Variants in ITGA1 observed in about 807,000 individuals in gnomAD.
ITGA1 encodes integrin subunit alpha 1, also known as integrin alpha-1.
Under a neutral mutation model 145.9 loss-of-function variants are expected in ITGA1, and 85 were observed. The observed-to-expected ratio is 0.58, with a 90% CI of 0.49 to 0.70. ITGA1 has a LOEUF of 0.70. Ranked by LOEUF, ITGA1 falls within the 30% of genes least tolerant of loss-of-function variation. The probability of loss-of-function intolerance (pLI) is 0.00; values close to 1 mark genes in which losing one functional copy is unlikely to be tolerated. For synonymous variants in ITGA1, 520 were observed against 495.3 expected (o/e 1.05, Z -0.66); for missense variants, 1,351 against 1,418.7 (o/e 0.95, Z 0.77).
intron 1 of ITGA1, among the ~76,000 whole-genome samples, chr5:52,825,472 G>A (rs1748945667): frequency 6.6e-6 from 1 of 152,040 alleles, no homozygotes; most frequent in South Asian, 2.1e-4. Flanking sequence ...TCTGTTATGG[G>A]GCCTTGTGAT....
chr5:52,871,609 C>G (rs559282250), intron 6 of ITGA1, among the ~76,000 whole-genome samples: 1 of 139,624 alleles, frequency 7.2e-6, no homozygotes, highest in East Asian at 2.1e-4. Flanking sequence ...CTCCAAAAAA[C>G]AAAAATAAAA....
intron 1 of ITGA1, among the ~76,000 whole-genome samples, chr5:52,797,197 CA>C (rs1056634555): frequency 3.5e-4 from 53 of 151,612 alleles, no homozygotes; most frequent in African/African-American, 1.0e-3. Context: ...AAAAAGTTCC[CA>C]ACTATTGCAG....
At chr5:52,875,648 A>G (rs996722468) in intron 6 of ITGA1, among the ~76,000 whole-genome samples, 5 of 151,962 alleles carry the variant, frequency 3.3e-5, no homozygotes, top group African/African-American at 1.2e-4. Context: ...ATATTCATCT[A>G]CTCTTTTACT....
Position 52,954,612 on chromosome 5 carries a change from TTGAG to T in ITGA1, c.*2162_*2165del. The T allele has an allele frequency of 7.7e-6, 1 of 130,264 alleles. No individual in the cohort carries two copies. The highest frequency in any genetic ancestry group is 2.1e-4 in the East Asian group (1 of 4,768). The allele number at this position is 130,264 out of a possible 1,614,324, so 8.1% of individuals were successfully genotyped here. A position where few individuals can be genotyped will look rare whatever the true frequency, so the allele number is the denominator to read the frequency against. On this transcript the variant is annotated 3_prime_UTR_variant, in exon 29 of 29. Coordinates refer to ENST00000282588, the MANE Select transcript of ITGA1 (RefSeq NM_181501.2). ...CCTGTTTCTCTAATATTATAATTTGTTGAGGTTTGTGTGTGTGTGTGTGTGCATG... is the reference window on the plus strand; with the variant it reads ...CCTGTTTCTCTAATATTATAATTTGTGTTTGTGTGTGTGTGTGTGTGCATG...
intron 6 of ITGA1, among the ~76,000 whole-genome samples, chr5:52,873,080 G>T (rs1468220153): frequency 6.6e-6 from 1 of 152,076 alleles, no homozygotes; most frequent in Non-Finnish European, 1.5e-5. Flanking sequence ...AGCCATTTAT[G>T]TTGAAAAAAT....
In ITGA1 at chr5:52,911,579, T is replaced by TATAGTGTATCTACTATATATACTATAC. The variant is rs1561246378; in HGVS notation, c.1857+1163_1857+1164insGTGTATCTACTATATATACTATACATA. Among the ~76,000 whole-genome samples, 19 of 66,576 alleles carry TATAGTGTATCTACTATATATACTATAC rather than the reference T, an allele frequency of 2.9e-4. 5 individuals carry two copies. The highest frequency in any genetic ancestry group is 4.1e-4 in the Non-Finnish European group (13 of 31,844). The allele number at this position is 66,576 out of a possible 152,430, so 43.7% of individuals were successfully genotyped here. A position where few individuals can be genotyped will look rare whatever the true frequency, so the allele number is the denominator to read the frequency against. On this transcript the variant is annotated intron_variant, in intron 14 of 28. Coordinates refer to ENST00000282588, the MANE Select transcript of ITGA1 (RefSeq NM_181501.2). The stretch of plus-strand genomic sequence containing the variant: ...TAGTGTATCTACTATATATACTATA[T>TATAGTGTATCTACTATATATACTATAC]ATATAGTGTATCTACTATATATACT...
In ITGA1 at chr5:52,828,909, C is replaced by T. The variant is rs536375300; in HGVS notation, c.62-20456C>T. 2.0e-5 allele frequency among the ~76,000 whole-genome samples: 3 copies of T among 152,262 alleles called. No homozygotes were observed. The East Asian group carries it at 5.8e-4, about 29-fold the overall frequency. The stretch of plus-strand genomic sequence containing the variant: ...CTTGACACTTGATACTAATCTCTAA[C>T]TTTGTCTTCACATGGTCTTCTTTCT... On this transcript the variant is annotated intron_variant, in intron 1 of 28. Transcript: ENST00000282588.
At chr5:52,897,619 C>T (rs547998874) in intron 10 of ITGA1, 91 bp downstream of exon 10, 398 of 839,064 alleles carry the variant, frequency 4.7e-4, no homozygotes, top group Non-Finnish European at 7.5e-4. Context: ...GTAAGTGCAA[C>T]GTGCAGTTCA....
intron 19 of ITGA1, among the ~76,000 whole-genome samples, chr5:52,925,873 T>C (rs960574325): frequency 6.6e-6 from 1 of 152,160 alleles, no homozygotes; most frequent in African/African-American, 2.4e-5. Context: ...AAAATCAAGA[T>C]ACCATATCTC....
intron 19 of ITGA1, among the ~76,000 whole-genome samples, chr5:52,925,870 A>G (rs1025990900): frequency 1.3e-5 from 2 of 152,206 alleles, no homozygotes; most frequent in African/African-American, 2.4e-5. Context: ...AGGAAAATCA[A>G]GATACCATAT....
At chr5:52,788,977 T>C (rs1272471150) in intron 1 of ITGA1, among the ~76,000 whole-genome samples, 1 of 152,194 alleles carries the variant, frequency 6.6e-6, no homozygotes, top group East Asian at 1.9e-4. Flanking sequence ...GGAGGGATAT[T>C]TTGAAACGTA....
intron 1 of ITGA1, chr5:52,800,406 G>A: frequency 6.2e-7 from 1 of 1,613,944 alleles, no homozygotes; most frequent in East Asian, 2.2e-5. Context: ...TGAAGCTCGT[G>A]AGGAAGAACA....
intron 6 of ITGA1, 100 bp downstream of exon 6, chr5:52,865,917 T>C (rs1749679967): frequency 1.1e-6 from 1 of 944,404 alleles, no homozygotes; most frequent in Non-Finnish European, 1.5e-6. Flanking sequence ...TCAATAAAAC[T>C]AAAGTTGAGA....
chr5:52,829,487 G>A (rs986709941), intron 1 of ITGA1, among the ~76,000 whole-genome samples: 8 of 152,048 alleles, frequency 5.3e-5, no homozygotes, highest in South Asian at 2.1e-4. Context: ...AAAAATTCAC[G>A]GGATGCTCAC....
At chr5:52,891,257 T>C (rs887431342) in intron 8 of ITGA1, among the ~76,000 whole-genome samples, 2 of 117,282 alleles carry the variant, frequency 1.7e-5, no homozygotes, top group African/African-American at 5.8e-5. Flanking sequence ...CAATGTTTTT[T>C]TTTTCTTTTT....
intron 1 of ITGA1, among the ~76,000 whole-genome samples, chr5:52,798,874 G>C (rs1019007007): frequency 2.0e-5 from 3 of 152,214 alleles, no homozygotes; most frequent in Admixed American, 2.0e-4. Context: ...TGAGCGAGGT[G>C]TGTAGCTTTT....
rs761988494 is a variant in ITGA1, at chr5:52,920,339, G to A, written c.2163G>A (p.Gln721=). ...KEDTIYEADL[Q]YRVTLDSLRQ... ...TTTTTAAAATTTTTGTAGATTTGCA[G>A]TACCGTGTCACCCTAGATTCACTAA... Residue 721 remains glutamine (Q), a synonymous_variant, in exon 17 of 29, where the codon CAG becomes CAA. Transcript: ENST00000282588. 3 of 1,589,204 alleles carry A rather than the reference G, an allele frequency of 1.9e-6. No individual in the cohort carries two copies. The highest frequency in any genetic ancestry group is 2.6e-6 in the Non-Finnish European group (3 of 1,170,568).
intron 1 of ITGA1, among the ~76,000 whole-genome samples, chr5:52,821,511 T>C (rs1410155387): frequency 2.0e-5 from 3 of 152,200 alleles, no homozygotes; most frequent in Non-Finnish European, 4.4e-5. Flanking sequence ...TAAGTCACTA[T>C]AATTCAGTTT....
chr5:52,939,722 T>C (rs764001269), intron 25 of ITGA1, 31 bp downstream of exon 25: 1 of 1,539,440 alleles, frequency 6.5e-7, no homozygotes, highest in African/African-American at 1.4e-5. Flanking sequence ...TTTTTACCTT[T>C]TGCTTTCCAA....
Sources: gnomAD v4.1 joint callset for allele counts (sites outside exome capture counted in the v4.1 genomes callset) on GRCh38, gnomAD v4.1.1 for gene constraint, MANE v1.5 for transcripts, NCBI Gene and HGNC (gene_info 2026-07-23, HGNC 2026-07-21) for gene names.